Variants in METTL25B observed in about 807,000 individuals in gnomAD.
The protein encoded by METTL25B is methyltransferase like 25B.
A neutral mutation model predicts 48.4 loss-of-function variants in METTL25B; 38 were observed. That is an observed-to-expected ratio of 0.78 (90% CI 0.61 to 1.03). The LOEUF is 1.03. Among genes scored for constraint, METTL25B ranks in the 50% least tolerant of loss-of-function variants. The pLI is 0.00. For synonymous variants in METTL25B, 230 were observed against 254.5 expected (o/e 0.90, Z 0.92); for missense variants, 537 against 603.7 (o/e 0.89, Z 1.16).
intron 1 of METTL25B, among the ~76,000 whole-genome samples, chr1:156,731,624 G>GT (rs1649296005): frequency 6.6e-6 from 1 of 152,254 alleles, no homozygotes; most frequent in African/African-American, 2.4e-5. Context: ...TACTAATACT[G>GT]TGTGTCAGTC....
chr1:156,730,734 AAAAT>A (rs1326611580), intron 1 of METTL25B, among the ~76,000 whole-genome samples: 6 of 152,310 alleles, frequency 3.9e-5, no homozygotes, highest in South Asian at 2.1e-4. Context: ...TCCATCTCTA[AAAAT>A]AAATAAATAA....
chr1:156,729,486 G>T (rs141839068), intron 1 of METTL25B: 180 of 293,662 alleles, frequency 6.1e-4, no homozygotes, highest in African/African-American at 3.9e-3. Flanking sequence ...GAGTGCAGTG[G>T]CACGATCTCG....
In METTL25B at chr1:156,729,162, A is replaced by G; in HGVS notation, c.58A>G (p.Asn20Asp). 1.2e-6 allele frequency: 2 copies of G among 1,611,096 alleles called. No individual in the cohort carries two copies. The highest frequency in any genetic ancestry group is 1.1e-5 in the South Asian group (1 of 90,792). Residue 20 changes from asparagine to aspartate, a missense_variant, in exon 1 of 8, where the codon AAC (asparagine) becomes GAC (aspartate). Physicochemically the swap from Asn to Asp is conservative, Grantham distance 23. Coordinates refer to ENST00000368216, the MANE Select transcript of METTL25B (RefSeq NM_015997.4). ...SHEGRKQLAV[N>D]LTRVLALYRS... ...TGAGGGGAGGAAGCAGCTAGCTGTTAACCTCACCCGTGTCCTGGCACTCTA... is the reference window on the plus strand; with the variant it reads ...TGAGGGGAGGAAGCAGCTAGCTGTTGACCTCACCCGTGTCCTGGCACTCTA...
intron 1 of METTL25B, among the ~76,000 whole-genome samples, chr1:156,730,273 T>C (rs1649161490): frequency 6.6e-6 from 1 of 152,228 alleles, no homozygotes; most frequent in Non-Finnish European, 1.5e-5. Flanking sequence ...TCCCATTTTA[T>C]TCTCTCACAC....
At position 156,732,043 on chromosome 1, in the gene METTL25B, C is replaced by A. The variant is rs1237727790; in HGVS notation, c.164C>A (p.Ala55Glu). 2 of 1,614,196 alleles carry A rather than the reference C, an allele frequency of 1.2e-6. No individual in the cohort carries two copies. The highest frequency in any genetic ancestry group is 2.2e-5 in the South Asian group (2 of 91,088). The part of the protein sequence containing the change: ...WDTLPCSWQE[A>E]LDGLKPPQLA... ...ACACTCCCTTGCTCATGGCAGGAAGCATTGGATGGACTGAAACCACCACAG... is the reference window on the plus strand; with the variant it reads ...ACACTCCCTTGCTCATGGCAGGAAGAATTGGATGGACTGAAACCACCACAG... Residue 55 changes from alanine to glutamate, a missense_variant, in exon 2 of 8, where the codon GCA (alanine) becomes GAA (glutamate). Ala to Glu is a moderately radical substitution (Grantham distance 107). Coordinates refer to ENST00000368216, the MANE Select transcript of METTL25B (RefSeq NM_015997.4).
intron 7 of METTL25B, 135 bp downstream of exon 7, chr1:156,736,044 G>A: frequency 1.4e-6 from 1 of 733,764 alleles, no homozygotes; most frequent in Non-Finnish European, 2.2e-6. Context: ...CCTTTGAGTA[G>A]GGGATTGGGA....
At position 156,732,122 on chromosome 1, in the gene METTL25B, G is replaced by C; in HGVS notation, c.236+7G>C. On this transcript the variant is annotated splice_region_variant and intron_variant, in intron 2 of 7. Transcript: ENST00000368216. Reference sequence around the variant, plus strand: ...GGGAAGGGGAGGTCGTCAGGTATGGGCTAGAAGGTCCCTGTGCTGGGGAAC... The same window carrying C: ...GGGAAGGGGAGGTCGTCAGGTATGGCCTAGAAGGTCCCTGTGCTGGGGAAC... 6.2e-7 allele frequency: 1 copy of C among 1,614,206 alleles called. No homozygotes were observed. Among genetic ancestry groups the C allele is most frequent in the Non-Finnish European group, 8.5e-7 (1 of 1,180,022 alleles).
rs1649455489 is a variant in METTL25B, at chr1:156,733,404, G to T, written c.520G>T (p.Gly174Cys). The change falls in exon 5 of 8, where the codon GGC becomes TGC. Residue 174 changes from glycine (G) to cysteine (C), a missense_variant. By Grantham distance (159) the Gly-to-Cys change is radical (BLOSUM62 -3). Coordinates refer to ENST00000368216, the MANE Select transcript of METTL25B (RefSeq NM_015997.4). ...CCATCTCTCCCGCTTCATGGCTCTT[G>T]GCCTGGGGTTGATGGTGAAGAGCAT... ...QGHLSRFMAL[G>C]LGLMVKSIEG... 6.2e-7 allele frequency: 1 copy of T among 1,614,122 alleles called. No individual in the cohort carries two copies. Among genetic ancestry groups the T allele is most frequent in the African/African-American group, 1.3e-5 (1 of 75,000 alleles).
chr1:156,736,205 C>G (rs936493986), intron 7 of METTL25B: 4 of 276,238 alleles, frequency 1.4e-5, no homozygotes, highest in African/African-American at 8.7e-5. Context: ...AGTAAAAATA[C>G]AAAAAGTAGC....
At chr1:156,736,341 C>G (rs1287433055) in intron 7 of METTL25B, 1 of 325,416 alleles carries the variant, frequency 3.1e-6, no homozygotes, top group East Asian at 6.2e-5. Context: ...GCCTGGGCAA[C>G]AGAGACTCCA....
At chr1:156,736,521 C>G in intron 7 of METTL25B, 111 bp from the exon 8 acceptor site, 1 of 1,329,260 alleles carries the variant, frequency 7.5e-7, no homozygotes, top group Non-Finnish European at 1.0e-6. Flanking sequence ...TCTCCTTAGC[C>G]CCGCTGGATC....
intron 5 of METTL25B, 106 bp from the exon 6 acceptor site, chr1:156,733,903 C>T (rs1016798929): frequency 6.8e-6 from 10 of 1,461,318 alleles, no homozygotes; most frequent in Non-Finnish European, 8.2e-6. Context: ...TCCCACATTC[C>T]TCCTTGGGGA....
chr1:156,730,144 A>T (rs955438438), intron 1 of METTL25B, among the ~76,000 whole-genome samples: 3 of 152,222 alleles, frequency 2.0e-5, no homozygotes, highest in Admixed American at 6.5e-5. Flanking sequence ...GATTGATAGC[A>T]TTCAAATGTA....
chr1:156,729,883 A>G (rs1649104752), intron 1 of METTL25B, among the ~76,000 whole-genome samples: 1 of 152,206 alleles, frequency 6.6e-6, no homozygotes, highest in African/African-American at 2.4e-5. Flanking sequence ...CATCCACTGA[A>G]TTGTTTAGAC....
chr1:156,733,059 T>G lies in METTL25B; in HGVS notation c.492+12T>G. 1 of 1,612,626 alleles carries G rather than the reference T, an allele frequency of 6.2e-7. No homozygotes were observed. Among genetic ancestry groups the G allele is most frequent in the Non-Finnish European group, 8.5e-7 (1 of 1,179,238 alleles). ...TGGGCTCAGGCCAGGTGAGCCAGAG[T>G]CTTGATGTACTGTTTTTTTGAGTCA... On this transcript the variant is annotated intron_variant, in intron 4 of 7. Transcript: ENST00000368216.
rs747272205 is a variant in METTL25B, at chr1:156,735,851, T to G, written c.1248T>G (p.Leu416=). ...CCTTCTTCAGCCTGGCTCTACTGCT[T>G]GCCCCACTGGTGGAGACGCTTATTC... ...VVAFFSLALL[L]APLVETLILL... The change falls in exon 7 of 8, where the codon CTT becomes CTG. Residue 416 remains leucine, a synonymous_variant. Transcript: ENST00000368216. 3.1e-6 allele frequency: 5 copies of G among 1,613,010 alleles called. No homozygotes were observed. The South Asian group carries it at 5.5e-5, about 18-fold the overall frequency.
At position 156,729,440 on chromosome 1, in the gene METTL25B, T is replaced by TC. The variant is rs1392942648; in HGVS notation, c.111+225_111+226insC. 9.5e-5 allele frequency: 38 copies of TC among 400,190 alleles called. 1 individual carries two copies. Among genetic ancestry groups the TC allele is most frequent in the African/African-American group, 8.1e-4 (38 of 46,796 alleles). 24.8% of individuals were successfully genotyped at this position (400,190 alleles called of 1,614,324 possible). On this transcript the variant is annotated intron_variant, in intron 1 of 7. Transcript: ENST00000368216. The stretch of plus-strand genomic sequence containing the variant: ...CTTTTTCTTTTTTTTTTTCTTTTTT[T>TC]TTTTGAGACGGAGTCTCGCTCTGTC...
chr1:156,736,723 T>C lies in METTL25B; in HGVS notation c.1398T>C (p.Ala466=), dbSNP rs1169993140. ...LVATKMPLGQ[A]LSVLETEDS ...CCACCAAGATGCCCCTGGGTCAGGC[T>C]CTTTCTGTTCTGGAGACTGAAGACA... The change falls in exon 8 of 8, where the codon GCT becomes GCC. Residue 466 remains alanine (A), a synonymous_variant. Coordinates refer to ENST00000368216, the MANE Select transcript of METTL25B (RefSeq NM_015997.4). The C allele has an allele frequency of 6.2e-7, 1 of 1,613,068 alleles. No homozygotes were observed. The highest frequency in any genetic ancestry group is 8.5e-7 in the Non-Finnish European group (1 of 1,180,020).
At position 156,736,155 on chromosome 1, in the gene METTL25B, G is replaced by A. The variant is rs1649775900; in HGVS notation, c.1306+246G>A. 4 of 343,452 alleles carry A rather than the reference G, an allele frequency of 1.2e-5. No homozygotes were observed. The South Asian group carries it at 2.7e-4, about 23-fold the overall frequency. The allele number at this position is 343,452 out of a possible 1,614,324, so 21.3% of individuals were successfully genotyped here. A position where few individuals can be genotyped will look rare whatever the true frequency, so the allele number is the denominator to read the frequency against. On this transcript the variant is annotated intron_variant, in intron 7 of 7. Coordinates refer to ENST00000368216, the MANE Select transcript of METTL25B (RefSeq NM_015997.4). The stretch of plus-strand genomic sequence containing the variant: ...GGCCAGGGTGGGTAGATCACTTGAG[G>A]TCAGGAGTTCAAGACCAGCGATGGT...
Sources: gnomAD v4.1 joint callset for allele counts (sites outside exome capture counted in the v4.1 genomes callset) on GRCh38, gnomAD v4.1.1 for gene constraint, MANE v1.5 for transcripts, NCBI Gene and HGNC (gene_info 2026-07-23, HGNC 2026-07-21) for gene names.